The following ATRNL1 variants were observed in gnomAD, a reference collection of about 807,000 sequenced individuals.
ATRNL1 encodes the protein attractin like 1, also known as attractin-like protein 1.
A neutral mutation model predicts 182.7 loss-of-function variants in ATRNL1; 95 were observed. The observed-to-expected ratio is 0.52, with a 90% confidence interval of 0.44 to 0.62. The LOEUF is 0.62. Ranked by LOEUF, ATRNL1 falls within the 20% of genes least tolerant of loss-of-function variation. ATRNL1 has a pLI of 0.00. For missense variants in ATRNL1, 1,471 were observed against 1,679.5 expected (o/e 0.88, Z 2.17); for synonymous variants, 576 against 568.3 (o/e 1.01, Z -0.19).
At chr10:115,721,435 TA>T (rs1555057732) in intron 26 of ATRNL1, among the ~76,000 whole-genome samples, 1 of 152,154 alleles carries the variant, frequency 6.6e-6, no homozygotes, top group Non-Finnish European at 1.5e-5. Flanking sequence ...GATAAAGACA[TA>T]CTTGAGACTG....
chr10:115,944,285 T>TAAAA (rs10588486), intron 28 of ATRNL1, among the ~76,000 whole-genome samples: 1 of 131,734 alleles, frequency 7.6e-6, no homozygotes, highest in East Asian at 2.1e-4. Flanking sequence ...GTTTTGTTCC[T>TAAAA]AAAAAAAAAA....
chr10:115,222,006 A>G (rs1262257862), intron 9 of ATRNL1, among the ~76,000 whole-genome samples: 1 of 152,320 alleles, frequency 6.6e-6, no homozygotes. Flanking sequence ...CATCCGTTAG[A>G]AACATACATA....
intron 8 of ATRNL1, among the ~76,000 whole-genome samples, chr10:115,189,188 G>A (rs1451684956): frequency 6.6e-6 from 1 of 152,024 alleles, no homozygotes; most frequent in East Asian, 1.9e-4. Context: ...TGATGCTGGT[G>A]TAAACAAACC....
chr10:115,133,971 C>T (rs1384203041), intron 5 of ATRNL1, among the ~76,000 whole-genome samples: 1 of 152,004 alleles, frequency 6.6e-6, no homozygotes, highest in Admixed American at 6.5e-5. Context: ...GAAATGAAGG[C>T]AGAAATAAAG....
chr10:115,390,820 C>G (rs1382774268), intron 19 of ATRNL1, among the ~76,000 whole-genome samples: 1 of 152,158 alleles, frequency 6.6e-6, no homozygotes, highest in Non-Finnish European at 1.5e-5. Flanking sequence ...AAGTCACTCG[C>G]TATTTCTTTC....
chr10:115,219,748 C>A (rs1394194336), intron 9 of ATRNL1, among the ~76,000 whole-genome samples: 1 of 151,930 alleles, frequency 6.6e-6, no homozygotes, highest in Non-Finnish European at 1.5e-5. Context: ...ACTAAAAATA[C>A]AAAAGTTAGC....
intron 20 of ATRNL1, among the ~76,000 whole-genome samples, chr10:115,410,328 CT>C (rs531844397): frequency 0.037 from 5,212 of 142,390 alleles, 193 homozygotes; most frequent in African/African-American, 0.1. Context: ...AAAATTGCTA[CT>C]TTTTTTTTTT....
chr10:115,286,498 G>A (rs1428813952), intron 15 of ATRNL1, 101 bp downstream of exon 15: 3 of 654,928 alleles, frequency 4.6e-6, no homozygotes, highest in East Asian at 3.1e-5. Context: ...TGCTAATTTT[G>A]GAAATAAAAG....
At chr10:115,467,127 C>G (rs1554970970) in intron 22 of ATRNL1, 47 bp from the exon 23 acceptor site, 1 of 981,672 alleles carries the variant, frequency 1.0e-6, no homozygotes, top group East Asian at 2.5e-5. Flanking sequence ...TCATATATAT[C>G]TAGTGTAATT....
intron 10 of ATRNL1, among the ~76,000 whole-genome samples, chr10:115,259,130 G>T (rs1851288110): frequency 6.6e-6 from 1 of 152,212 alleles, no homozygotes; most frequent in Admixed American, 6.5e-5. Flanking sequence ...ACGCCATGCT[G>T]GGAGAACCAC....
At chr10:115,731,590 T>C in intron 27 of ATRNL1, among the ~76,000 whole-genome samples, 1 of 150,906 alleles carries the variant, frequency 6.6e-6, no homozygotes, top group East Asian at 1.9e-4. Context: ...ATGGTATTTT[T>C]ATGGAAATAG....
chr10:115,385,462 A>C (rs1268438287), intron 19 of ATRNL1, among the ~76,000 whole-genome samples: 1 of 152,130 alleles, frequency 6.6e-6, no homozygotes, highest in East Asian at 1.9e-4. Context: ...TTCACATAGA[A>C]GATCTCCCTC....
intron 28 of ATRNL1, among the ~76,000 whole-genome samples, chr10:115,859,509 C>T (rs1555102989): frequency 6.6e-6 from 1 of 152,104 alleles, no homozygotes; most frequent in African/African-American, 2.4e-5. Flanking sequence ...AAGGGAACTC[C>T]CTAGATCCAG....
At chr10:115,448,739 G>A (rs1427084394) in intron 21 of ATRNL1, among the ~76,000 whole-genome samples, 2 of 151,970 alleles carry the variant, frequency 1.3e-5, no homozygotes, top group Non-Finnish European at 2.9e-5. Context: ...AACAAATCTA[G>A]GAGTTGGTTT....
chr10:115,182,038 A>G (rs1320437666), intron 8 of ATRNL1, among the ~76,000 whole-genome samples: 1 of 151,574 alleles, frequency 6.6e-6, no homozygotes, highest in Non-Finnish European at 1.5e-5. Context: ...TCCTAAATGA[A>G]TTTTTTCAAA....
chr10:115,273,919 T>C (rs1851985597), intron 13 of ATRNL1, among the ~76,000 whole-genome samples: 1 of 152,170 alleles, frequency 6.6e-6, no homozygotes, highest in African/African-American at 2.4e-5. Flanking sequence ...ATACCCAACC[T>C]CATGGGTTGG....
At chr10:115,816,224 G>T (rs1331940929) in intron 27 of ATRNL1, among the ~76,000 whole-genome samples, 5 of 152,152 alleles carry the variant, frequency 3.3e-5, no homozygotes, top group African/African-American at 1.2e-4. Flanking sequence ...GCCAACTGCA[G>T]TTTGTCACAG....
At chr10:115,303,191 A>G (rs1049440436) in intron 17 of ATRNL1, among the ~76,000 whole-genome samples, 2 of 149,138 alleles carry the variant, frequency 1.3e-5, no homozygotes, top group Non-Finnish European at 3.0e-5. Context: ...AGAAAGCTGC[A>G]GAATCACCTG....
intron 9 of ATRNL1, among the ~76,000 whole-genome samples, chr10:115,237,964 G>A (rs1021202715): frequency 2.6e-5 from 4 of 152,154 alleles, no homozygotes; most frequent in Admixed American, 2.0e-4. Flanking sequence ...GTGATGCCCT[G>A]TTGTTCCAGC....
Sources: gnomAD v4.1 joint callset for allele counts (sites outside exome capture counted in the v4.1 genomes callset) on GRCh38, gnomAD v4.1.1 for gene constraint, MANE v1.5 for transcripts, NCBI Gene and HGNC (gene_info 2026-07-23, HGNC 2026-07-21) for gene names.